Variants in ADGRF5 observed in about 807,000 individuals in gnomAD.
The protein encoded by ADGRF5 is G-protein coupled receptor 116.
In ADGRF5, 75 loss-of-function variants were observed where a neutral mutation model predicts 132.3. That is an observed-to-expected ratio of 0.57 (90% CI 0.47 to 0.69). The LOEUF (loss-of-function observed/expected upper bound fraction) is 0.69. ADGRF5 is among the 30% of genes least tolerant of loss of function. ADGRF5 has a pLI of 0.00. For synonymous variants in ADGRF5, 629 were observed against 597.6 expected, an observed-to-expected ratio of 1.05 and a Z score of -0.77; for missense variants, 1,516 against 1,630.6, an observed-to-expected ratio of 0.93 and a Z score of 1.21.
chr6:46,912,630 A>G (rs1489331548), intron 1 of ADGRF5, among the ~76,000 whole-genome samples: 2 of 152,174 alleles, frequency 1.3e-5, no homozygotes, highest in Non-Finnish European at 2.9e-5. Context: ...AATTCCAACA[A>G]TCAAAGGTCC....
chr6:46,941,436 G>T (rs1440677208), intron 1 of ADGRF5, among the ~76,000 whole-genome samples: 2 of 54,910 alleles, frequency 3.6e-5, no homozygotes, highest in Non-Finnish European at 8.5e-5. Context: ...GAAAAGAAAA[G>T]AAAAGAAAAG....
rs1299827466 is a variant in ADGRF5 at position 46,860,990 on chromosome 6, TG to T, written c.2200-97del. ...TCCTGGCAAAATCTCTCACATCCGT[TG>T]TTTCCTTTTTTGCTCCATTTCCATA... On this transcript the variant is annotated intron_variant, in intron 15 of 20. Coordinates refer to ENST00000283296, the MANE Select transcript of ADGRF5 (RefSeq NM_001098518.2). 5.2e-5 allele frequency: 48 copies of T among 928,748 alleles called. No homozygotes were observed. The Middle Eastern group carries it at 9.4e-4, about 18-fold the overall frequency. 57.5% of individuals were successfully genotyped at this position (928,748 alleles called of 1,614,324 possible).
intron 1 of ADGRF5, among the ~76,000 whole-genome samples, chr6:46,928,525 C>G (rs1019997707): frequency 5.3e-5 from 8 of 152,118 alleles, no homozygotes; most frequent in Non-Finnish European, 1.2e-4. Flanking sequence ...TCTCTAGTGC[C>G]AGCTTCCCAC....
intron 1 of ADGRF5, among the ~76,000 whole-genome samples, chr6:46,941,409 A>AAGAAAAGAAAAGAAAAG (rs1778054724): frequency 5.2e-5 from 2 of 38,700 alleles, no homozygotes; most frequent in African/African-American, 2.3e-4. Flanking sequence ...AAGAAAAGAA[A>AAGAAAAGAAAAGAAAAG]AGAAAAGAAA....
chr6:46,871,039 ATAATCT>A (rs993929582), intron 11 of ADGRF5, among the ~76,000 whole-genome samples: 7 of 151,172 alleles, frequency 4.6e-5, no homozygotes, highest in Non-Finnish European at 8.8e-5. Context: ...CCACATAAAC[ATAATCT>A]TGATCTTTGT....
At chr6:46,954,185 G>A (rs1162725331) in intron 1 of ADGRF5, among the ~76,000 whole-genome samples, 1 of 151,732 alleles carries the variant, frequency 6.6e-6, no homozygotes, top group African/African-American at 2.4e-5. Flanking sequence ...AATAACAACT[G>A]TTTAACCACA....
chr6:46,883,163 T>C (rs1176614137), intron 6 of ADGRF5, among the ~76,000 whole-genome samples: 2 of 152,192 alleles, frequency 1.3e-5, no homozygotes, highest in Non-Finnish European at 2.9e-5. Flanking sequence ...TAGAGTGGTT[T>C]GAGACCCTCT....
At chr6:46,875,575 G>A (rs1381664803) in intron 10 of ADGRF5, among the ~76,000 whole-genome samples, 4 of 152,066 alleles carry the variant, frequency 2.6e-5, no homozygotes, top group Admixed American at 2.0e-4. Flanking sequence ...TCAGGGGTTC[G>A]AGACCAGCCT....
chr6:46,891,962 T>C (rs1773689372), intron 3 of ADGRF5, among the ~76,000 whole-genome samples: 1 of 152,160 alleles, frequency 6.6e-6, no homozygotes, highest in African/African-American at 2.4e-5. Context: ...GCGTCACCTC[T>C]GTAGAAACTG....
chr6:46,934,024 C>T (rs1777694867), intron 1 of ADGRF5, among the ~76,000 whole-genome samples: 1 of 152,150 alleles, frequency 6.6e-6, no homozygotes, highest in Non-Finnish European at 1.5e-5. Flanking sequence ...TGTTGAAAGC[C>T]ATTAAGATCT....
chr6:46,937,997 A>C (rs1034707702), intron 1 of ADGRF5, among the ~76,000 whole-genome samples: 2 of 152,194 alleles, frequency 1.3e-5, no homozygotes, highest in Non-Finnish European at 2.9e-5. Context: ...GAGTGGCTGA[A>C]ACCACAGAAA....
chr6:46,943,829 G>A (rs150355579), intron 1 of ADGRF5, among the ~76,000 whole-genome samples: 4 of 152,230 alleles, frequency 2.6e-5, no homozygotes, highest in African/African-American at 7.2e-5. Flanking sequence ...TTAAACATAC[G>A]ATGGTTCAAA....
chr6:46,950,815 C>T (rs1377753169), intron 1 of ADGRF5, among the ~76,000 whole-genome samples: 1 of 152,120 alleles, frequency 6.6e-6, no homozygotes, highest in Non-Finnish European at 1.5e-5. Flanking sequence ...GCCTGGCTGA[C>T]TTGGTGTTTT....
intron 1 of ADGRF5, among the ~76,000 whole-genome samples, chr6:46,930,576 T>C (rs1211182978): frequency 6.6e-6 from 1 of 152,220 alleles, no homozygotes; most frequent in East Asian, 1.9e-4. Context: ...TGGGCTGGCA[T>C]GCAGCTTGCA....
chr6:46,856,999 G>A (rs1189618149), intron 17 of ADGRF5, 91 bp from the exon 18 acceptor site: 38 of 973,620 alleles, frequency 3.9e-5, no homozygotes, highest in Non-Finnish European at 5.7e-5. Context: ...TGTTAAATTT[G>A]TACTACTTCT....
intron 1 of ADGRF5, among the ~76,000 whole-genome samples, chr6:46,948,785 G>A (rs376381290): frequency 5.9e-5 from 9 of 152,102 alleles, no homozygotes; most frequent in Admixed American, 2.6e-4. Flanking sequence ...CAGAGTTGGC[G>A]GGCAATCTCC....
intron 1 of ADGRF5, among the ~76,000 whole-genome samples, chr6:46,950,065 C>A (rs987856435): frequency 1.3e-5 from 2 of 152,170 alleles, no homozygotes; most frequent in Non-Finnish European, 2.9e-5. Context: ...GATCACCGCA[C>A]TGACATCACG....
intron 1 of ADGRF5, among the ~76,000 whole-genome samples, chr6:46,916,846 C>A (rs1473025621): frequency 6.6e-6 from 1 of 152,224 alleles, no homozygotes; most frequent in East Asian, 1.9e-4. Context: ...GAGTATAGAG[C>A]AAACTGACCC....
intron 4 of ADGRF5, 103 bp from the exon 5 acceptor site, chr6:46,884,374 T>C (rs1480808583): frequency 4.6e-6 from 4 of 867,646 alleles, no homozygotes; most frequent in African/African-American, 1.7e-5. Context: ...CATCCGAATC[T>C]GACTTTATAT....
Sources: allele counts gnomAD v4.1 joint callset (sites outside exome capture counted in the v4.1 genomes callset), GRCh38; gene constraint gnomAD v4.1.1; transcripts MANE v1.5; gene names NCBI Gene and HGNC (gene_info 2026-07-23, HGNC 2026-07-21).